Variants in RPS6KC1 observed in about 807,000 individuals in gnomAD.
The protein encoded by RPS6KC1 is inactive ribosomal protein S6 kinase delta-1.
Under a neutral mutation model 103.8 loss-of-function variants are expected in RPS6KC1, and 54 were observed. That is an observed-to-expected ratio of 0.52 (90% CI 0.42 to 0.65). RPS6KC1 has a LOEUF of 0.65. Ranked by LOEUF, RPS6KC1 falls within the 30% of genes least tolerant of loss-of-function variation. RPS6KC1 has a pLI of 0.00. For synonymous variants in RPS6KC1, 439 were observed against 438.7 expected (o/e 1.00, Z -0.01); for missense variants, 1,151 against 1,253.8 (o/e 0.92, Z 1.24).
the RPS6KC1 span, among the ~76,000 whole-genome samples, chr1:213,710,363 T>G: frequency 1.3e-5 from 2 of 152,182 alleles, no homozygotes; most frequent in African/African-American, 4.8e-5. Context: ...CTTTCCATTT[T>G]CTTGGTAAAT....
chr1:213,297,614 T>C, the RPS6KC1 span, among the ~76,000 whole-genome samples: 1,014 of 152,102 alleles, frequency 6.7e-3, 9 homozygotes, highest in African/African-American at 0.023. Context: ...CTATATGTGG[T>C]TTGGGTTTTT....
chr1:213,360,166 C>G, the RPS6KC1 span, among the ~76,000 whole-genome samples: 1 of 152,182 alleles, frequency 6.6e-6, no homozygotes, highest in Non-Finnish European at 1.5e-5. Flanking sequence ...CAACTTGGTT[C>G]CATTCTCCCC....
the RPS6KC1 span, among the ~76,000 whole-genome samples, chr1:213,571,961 CT>C: frequency 1.7e-4 from 26 of 152,214 alleles, no homozygotes; most frequent in Non-Finnish European, 3.8e-4. Context: ...TTGAACCACT[CT>C]TAGATTCACA....
the RPS6KC1 span, among the ~76,000 whole-genome samples, chr1:213,622,495 G>A: frequency 0.07 from 10,645 of 152,052 alleles, 680 homozygotes; most frequent in East Asian, 0.3. Context: ...TCGGTTGCAC[G>A]TTTGTAGTCT....
chr1:213,686,662 T>C, the RPS6KC1 span, among the ~76,000 whole-genome samples: 1 of 152,214 alleles, frequency 6.6e-6, no homozygotes, highest in Admixed American at 6.5e-5. Flanking sequence ...CATCTTTTTG[T>C]TACCTGAAAG....
At chr1:213,277,674 A>C (rs1010853030), downstream of RPS6KC1, among the ~76,000 whole-genome samples, 3 of 152,230 alleles carry the variant, frequency 2.0e-5, no homozygotes, top group Non-Finnish European at 2.9e-5. Flanking sequence ...ATCCTAAGTC[A>C]GTTCTATCTC....
chr1:213,280,699 G>A, the RPS6KC1 span, among the ~76,000 whole-genome samples: 6 of 152,126 alleles, frequency 3.9e-5, no homozygotes, highest in Non-Finnish European at 7.4e-5. Context: ...AGGGGAATGT[G>A]GGTGATTATC....
the RPS6KC1 span, among the ~76,000 whole-genome samples, chr1:213,300,538 C>T: frequency 6.6e-6 from 1 of 152,210 alleles, no homozygotes; most frequent in Non-Finnish European, 1.5e-5. Flanking sequence ...CAGAGACTTT[C>T]CCCTAATGTG....
At chr1:213,076,965 G>A (rs890033104) in intron 2 of RPS6KC1, among the ~76,000 whole-genome samples, 2 of 151,968 alleles carry the variant, frequency 1.3e-5, no homozygotes, top group African/African-American at 4.8e-5. Context: ...TGTCTCCTGG[G>A]TTTAAGCAGT....
chr1:213,227,713 C>T (rs1364682329), intron 8 of RPS6KC1, among the ~76,000 whole-genome samples: 1 of 152,238 alleles, frequency 6.6e-6, no homozygotes, highest in African/African-American at 2.4e-5. Context: ...AGAAGCCTCT[C>T]TCCAGTTCTT....
the RPS6KC1 span, among the ~76,000 whole-genome samples, chr1:213,301,093 T>C: frequency 6.6e-6 from 1 of 152,168 alleles, no homozygotes; most frequent in African/African-American, 2.4e-5. Flanking sequence ...TTTTTTCCAC[T>C]CCGCTAAGCC....
chr1:213,521,528 T>G, the RPS6KC1 span, among the ~76,000 whole-genome samples: 6 of 152,184 alleles, frequency 3.9e-5, no homozygotes, highest in Non-Finnish European at 7.3e-5. Flanking sequence ...CCATTGATTC[T>G]TCCTTTCACA....
chr1:213,778,811 C>T, the RPS6KC1 span, among the ~76,000 whole-genome samples: 1 of 152,004 alleles, frequency 6.6e-6, no homozygotes, highest in South Asian at 2.1e-4. Flanking sequence ...GATCCTAAAC[C>T]CCCATGCTCA....
the RPS6KC1 span, among the ~76,000 whole-genome samples, chr1:213,303,222 G>C: frequency 6.6e-6 from 1 of 152,212 alleles, no homozygotes; most frequent in Admixed American, 6.5e-5. Flanking sequence ...CTCCAAGTCA[G>C]TTTCAGGATG....
chr1:213,305,079 T>A, the RPS6KC1 span, among the ~76,000 whole-genome samples: 1 of 152,098 alleles, frequency 6.6e-6, no homozygotes, highest in Admixed American at 6.5e-5. Flanking sequence ...GGAAACAGTC[T>A]GAGATTCATG....
chr1:213,098,591 A>T (rs1355320700), intron 3 of RPS6KC1, among the ~76,000 whole-genome samples: 2 of 152,186 alleles, frequency 1.3e-5, no homozygotes, highest in East Asian at 3.9e-4. Flanking sequence ...GATTGGGTAC[A>T]GCTGGTTGGT....
At chr1:213,433,075 G>A in the RPS6KC1 span, among the ~76,000 whole-genome samples, 3 of 152,172 alleles carry the variant, frequency 2.0e-5, no homozygotes. Context: ...TAAGATCAAG[G>A]TGTCAGCAGG....
At chr1:213,244,437 T>C (rs1008070442) in intron 12 of RPS6KC1, among the ~76,000 whole-genome samples, 1 of 152,176 alleles carries the variant, frequency 6.6e-6, no homozygotes, top group African/African-American at 2.4e-5. Flanking sequence ...GTAAGTAGTT[T>C]CTTATTTCTT....
At chr1:213,584,544 T>A in the RPS6KC1 span, among the ~76,000 whole-genome samples, 1 of 152,202 alleles carries the variant, frequency 6.6e-6, no homozygotes, top group East Asian at 1.9e-4. Flanking sequence ...TGACACCGAA[T>A]GGTAGATAAT....
Sources: gnomAD v4.1 joint callset for allele counts (sites outside exome capture counted in the v4.1 genomes callset) on GRCh38, gnomAD v4.1.1 for gene constraint, MANE v1.5 for transcripts, NCBI Gene and HGNC (gene_info 2026-07-23, HGNC 2026-07-21) for gene names.